SLC24A3: variants seen among roughly 807,000 people sequenced by gnomAD.
SLC24A3 encodes the protein solute carrier family 24 member 3.
SLC24A3 carries 28 observed loss-of-function variants against 75.8 expected under a neutral mutation model. The ratio of observed to expected loss-of-function variants is 0.37; its 90% CI spans 0.27 to 0.51. The LOEUF (loss-of-function observed/expected upper bound fraction) is 0.51, where lower values mean the gene tolerates loss of function less well. SLC24A3 is among the 20% of genes least tolerant of loss of function. SLC24A3 has a pLI of 0.94. For synonymous variants in SLC24A3, 372 were observed against 334.1 expected (o/e 1.11, Z -1.24); for missense variants, 663 against 847.8 (o/e 0.78, Z 2.71).
intron 6 of SLC24A3, among the ~76,000 whole-genome samples, chr20:19,643,838 T>C (rs2122700369): frequency 6.6e-6 from 1 of 152,330 alleles, no homozygotes; most frequent in South Asian, 2.1e-4. Context: ...ACCAAAAGTG[T>C]TCCTCAAGTT....
At chr20:19,650,166 C>A (rs946103983) in intron 6 of SLC24A3, among the ~76,000 whole-genome samples, 10 of 151,796 alleles carry the variant, frequency 6.6e-5, no homozygotes, top group African/African-American at 2.4e-4. Flanking sequence ...CAGTTTGTCA[C>A]CTCTATGCAA....
At chr20:19,590,548 G>A (rs978547706) in intron 6 of SLC24A3, among the ~76,000 whole-genome samples, 2 of 152,208 alleles carry the variant, frequency 1.3e-5, no homozygotes, top group African/African-American at 4.8e-5. Context: ...GCAAGGAAGA[G>A]AGCAAGTGAT....
chr20:19,487,134 G>A (rs1337452701), intron 2 of SLC24A3, among the ~76,000 whole-genome samples: 1 of 152,222 alleles, frequency 6.6e-6, no homozygotes, highest in African/African-American at 2.4e-5. Context: ...AGTGTCAGCT[G>A]TACCCTTATG....
At chr20:19,562,888 G>A (rs2030896818) in intron 3 of SLC24A3, among the ~76,000 whole-genome samples, 1 of 152,098 alleles carries the variant, frequency 6.6e-6, no homozygotes, top group African/African-American at 2.4e-5. Context: ...GGTCAGTTCT[G>A]GCAATAGGAT....
At chr20:19,584,306 C>T (rs558666893) in intron 4 of SLC24A3, among the ~76,000 whole-genome samples, 33 of 152,232 alleles carry the variant, frequency 2.2e-4, no homozygotes, top group Admixed American at 1.7e-3. Flanking sequence ...TCTCTGATCC[C>T]GGGGTTTCCA....
intron 2 of SLC24A3, among the ~76,000 whole-genome samples, chr20:19,434,592 A>G (rs1987163567): frequency 6.6e-6 from 1 of 152,224 alleles, no homozygotes; most frequent in Admixed American, 6.5e-5. Flanking sequence ...AGAAACAAAT[A>G]ATACCTACAG....
chr20:19,359,988 T>C (rs1373816170), intron 2 of SLC24A3, among the ~76,000 whole-genome samples: 1 of 151,988 alleles, frequency 6.6e-6, no homozygotes, highest in Non-Finnish European at 1.5e-5. Flanking sequence ...CTGAGGTCTG[T>C]CAGTCCAGTC....
chr20:19,374,971 C>G (rs944600948), intron 2 of SLC24A3, among the ~76,000 whole-genome samples: 1 of 152,134 alleles, frequency 6.6e-6, no homozygotes, highest in African/African-American at 2.4e-5. Context: ...AACACTGAGT[C>G]TGTGTTTTTA....
intron 3 of SLC24A3, among the ~76,000 whole-genome samples, chr20:19,536,383 G>A (rs2030396481): frequency 6.6e-6 from 1 of 152,082 alleles, no homozygotes; most frequent in Admixed American, 6.5e-5. Flanking sequence ...ATGACTCTGA[G>A]GACAGATGAT....
intron 2 of SLC24A3, among the ~76,000 whole-genome samples, chr20:19,434,472 C>A (rs1241815019): frequency 6.6e-6 from 1 of 152,180 alleles, no homozygotes; most frequent in African/African-American, 2.4e-5. Context: ...CATTTCAATT[C>A]TGGAAAAAAC....
chr20:19,343,877 T>C (rs1985331462), intron 2 of SLC24A3, among the ~76,000 whole-genome samples: 1 of 152,204 alleles, frequency 6.6e-6, no homozygotes, highest in African/African-American at 2.4e-5. Flanking sequence ...TTACAGGTGA[T>C]ATACGCCTGG....
At chr20:19,326,437 C>T (rs1017511087) in intron 2 of SLC24A3, among the ~76,000 whole-genome samples, 20 of 152,126 alleles carry the variant, frequency 1.3e-4, no homozygotes, top group African/African-American at 4.6e-4. Context: ...TGCCATTGGC[C>T]AAATCCACCT....
chr20:19,633,787 A>G (rs1485790920), intron 6 of SLC24A3, among the ~76,000 whole-genome samples: 3 of 152,138 alleles, frequency 2.0e-5, no homozygotes, highest in Non-Finnish European at 4.4e-5. Flanking sequence ...GTTTAGGACC[A>G]CAACTTATGA....
chr20:19,522,021 C>T (rs1258004978), intron 3 of SLC24A3, among the ~76,000 whole-genome samples: 1 of 152,184 alleles, frequency 6.6e-6, no homozygotes, highest in Non-Finnish European at 1.5e-5. Context: ...AGACCTTCCC[C>T]AGCTGTCCAG....
chr20:19,636,667 G>A (rs2032006404), intron 6 of SLC24A3, among the ~76,000 whole-genome samples: 1 of 152,098 alleles, frequency 6.6e-6, no homozygotes, highest in Non-Finnish European at 1.5e-5. Flanking sequence ...CAGCCTTCCT[G>A]TTTGGAGGAA....
At chr20:19,620,449 C>T (rs890089538) in intron 6 of SLC24A3, among the ~76,000 whole-genome samples, 4 of 152,048 alleles carry the variant, frequency 2.6e-5, no homozygotes, top group Non-Finnish European at 5.9e-5. Flanking sequence ...AGAGATTAGG[C>T]GTTATTAAGA....
chr20:19,272,465 G>A (rs1242396591), intron 1 of SLC24A3, among the ~76,000 whole-genome samples: 2 of 152,254 alleles, frequency 1.3e-5, no homozygotes, highest in Non-Finnish European at 2.9e-5. Context: ...GTCACCTTGT[G>A]AAAATGCAGA....
chr20:19,517,596 G>C (rs937643072), intron 3 of SLC24A3, among the ~76,000 whole-genome samples: 1 of 152,168 alleles, frequency 6.6e-6, no homozygotes, highest in East Asian at 1.9e-4. Flanking sequence ...ACTGGAATCC[G>C]ATGCCACTGT....
chr20:19,475,331 T>C (rs1365660284), intron 2 of SLC24A3, among the ~76,000 whole-genome samples: 1 of 150,502 alleles, frequency 6.6e-6, no homozygotes, highest in South Asian at 2.1e-4. Flanking sequence ...AGAGTGAGAC[T>C]CTGTCTCAAG....
Sources: gnomAD v4.1 joint callset for allele counts (sites outside exome capture counted in the v4.1 genomes callset) on GRCh38, gnomAD v4.1.1 for gene constraint, MANE v1.5 for transcripts, NCBI Gene and HGNC (gene_info 2026-07-23, HGNC 2026-07-21) for gene names.